Variants in EIF4G1 observed in about 807,000 individuals in gnomAD.
EIF4G1 encodes EIF4-gamma.
Under a neutral mutation model 187.8 loss-of-function variants are expected in EIF4G1, and 4 were observed. The observed-to-expected ratio is 0.02, with a 90% CI of 0.01 to 0.05. The LOEUF (loss-of-function observed/expected upper bound fraction) is 0.05. EIF4G1 is among the 10% of genes least tolerant of loss of function. The pLI, the probability that EIF4G1 is intolerant of heterozygous loss-of-function variation, is 1.00. For synonymous variants in EIF4G1, 844 were observed against 781.4 expected (o/e 1.08, Z -1.34); for missense variants, 1,647 against 2,081.1 (o/e 0.79, Z 4.06).
rs778204962 is a variant in EIF4G1 at position 184,320,586 on chromosome 3, G to A, written c.538-44G>A. ...AAGATTGGGGCAGGGTGGAGAGGTG[G>A]GCTCTTCCTGCTTCCCACTCATCTT... On this transcript the variant is annotated intron_variant, in intron 7 of 32. Coordinates refer to ENST00000346169, the MANE Select transcript of EIF4G1 (RefSeq NM_198241.3). The A allele has an allele frequency of 3.7e-6, 6 of 1,613,734 alleles. No homozygotes were observed. In the East Asian group the frequency reaches 1.1e-4, roughly 30 times the overall value.
intron 28 of EIF4G1, among the ~76,000 whole-genome samples, chr3:184,329,411 T>TC (rs1370779663): frequency 6.6e-6 from 1 of 152,164 alleles, no homozygotes; most frequent in African/African-American, 2.4e-5. Context: ...CGTGGGTGGA[T>TC]CACGAGGTCA....
At chr3:184,331,652 T>TGGGGTGGGGGG (rs1577258330) in intron 30 of EIF4G1, 46 bp downstream of exon 30, 1 of 495,326 alleles carries the variant, frequency 2.0e-6, no homozygotes, top group South Asian at 2.6e-5. Context: ...GTTCTTAGGG[T>TGGGGTGGGGGG]GGGGGTGGGG....
At chr3:184,317,024 C>T (rs1417702747) in intron 4 of EIF4G1, among the ~76,000 whole-genome samples, 1 of 152,086 alleles carries the variant, frequency 6.6e-6, no homozygotes, top group Non-Finnish European at 1.5e-5. Context: ...TGATGCATCT[C>T]GGTGTTAGGA....
chr3:184,318,663 C>T (rs1005010041), intron 6 of EIF4G1, among the ~76,000 whole-genome samples: 7 of 152,164 alleles, frequency 4.6e-5, no homozygotes, highest in South Asian at 4.1e-4. Context: ...GGAATGTAGT[C>T]GCACAGTCTT....
chr3:184,323,121 A>G lies in EIF4G1; in HGVS notation c.1968A>G (p.Arg656=). The G allele has an allele frequency of 8.7e-6, 14 of 1,614,148 alleles. No individual in the cohort carries two copies. The highest frequency in any genetic ancestry group is 1.3e-5 in the African/African-American group (1 of 75,020). ...CACTGCGGCCACTGGATCCCACTAG[A>G]CTACAAGGCATAAATTGTGGCCCAG... The part of the protein sequence containing the change: ...KTPLRPLDPT[R]LQGINCGPDF... Residue 656 remains arginine, a synonymous_variant, in exon 14 of 33, where the codon AGA becomes AGG. Coordinates refer to ENST00000346169, the MANE Select transcript of EIF4G1 (RefSeq NM_198241.3). This position sits in a 1 kb window ranked among gnomAD's most constrained non-coding sequence, Gnocchi z 6.9.
chr3:184,331,231 G>C (rs763658279), intron 28 of EIF4G1, 35 bp from the exon 29 acceptor site: 1 of 1,610,604 alleles, frequency 6.2e-7, no homozygotes, highest in East Asian at 2.2e-5. Flanking sequence ...GAGAGAGAGA[G>C]CTTTGGTAAG....
chr3:184,328,290 C>G, intron 26 of EIF4G1: 3 of 484,474 alleles, frequency 6.2e-6, no homozygotes. Flanking sequence ...TACTCGGAGG[C>G]TGAGGCAGGA....
intron 23 of EIF4G1, 97 bp from the exon 24 acceptor site, chr3:184,327,119 G>A: frequency 6.4e-7 from 1 of 1,573,960 alleles, no homozygotes; most frequent in South Asian, 1.1e-5. Context: ...TACTCATTAT[G>A]CTAAGAACAA....
At chr3:184,327,495 G>C in intron 24 of EIF4G1, 47 bp downstream of exon 24, 3 of 1,611,950 alleles carry the variant, frequency 1.9e-6, no homozygotes, top group Non-Finnish European at 2.5e-6. Flanking sequence ...GGCTGCCTTG[G>C]GACTAGCTGG....
In EIF4G1 at chr3:184,334,981, GGGCGGCAGCAGC is replaced by G; in HGVS notation, c.*79_*90del. The G allele has an allele frequency of 3.1e-6, 5 of 1,594,142 alleles. No individual in the cohort carries two copies. The South Asian group carries it at 4.4e-5, about 14-fold the overall frequency. On this transcript the variant is annotated 3_prime_UTR_variant, in exon 33 of 33. Coordinates refer to ENST00000346169, the MANE Select transcript of EIF4G1 (RefSeq NM_198241.3). The surrounding 1 kb of genome is among the most constrained non-coding windows in gnomAD (Gnocchi z 5.8). ...CCGGCTAGCCGCCTGGACTGCAGGGGGGCGGCAGCAGCGGCGGTGGCAGTGGGTGCCTGTAGT... is the reference window on the plus strand; with the variant it reads ...CCGGCTAGCCGCCTGGACTGCAGGGGGGCGGTGGCAGTGGGTGCCTGTAGT...
At position 184,334,732 on chromosome 3, in the gene EIF4G1, C is replaced by T. The variant is rs1428503287; in HGVS notation, c.4624C>T (p.Leu1542=). 1 of 1,614,172 alleles carries T rather than the reference C, an allele frequency of 6.2e-7. No homozygotes were observed. Among genetic ancestry groups the T allele is most frequent in the South Asian group, 1.1e-5 (1 of 91,090 alleles). Reference sequence around the variant, plus strand: ...GCTGTCCCGCCTGCTTGCAGACCTGCTGCGGATGTTCTTTGACGCACTGTA... The same window carrying T: ...GCTGTCCCGCCTGCTTGCAGACCTGTTGCGGATGTTCTTTGACGCACTGTA... ...VVTLEQPPNL[L]RMFFDALYDE... Residue 1542 remains leucine, a synonymous_variant, in exon 33 of 33, where the codon CTG becomes TTG. Transcript: ENST00000346169. The surrounding 1 kb of genome is among the most constrained non-coding windows in gnomAD (Gnocchi z 5.8).
rs1722653166 is a variant in EIF4G1, at chr3:184,315,744, C to G, written c.-34-19C>G. 1.3e-6 allele frequency: 2 copies of G among 1,536,926 alleles called. No homozygotes were observed. Among genetic ancestry groups the G allele is most frequent in the African/African-American group, 1.4e-5 (1 of 72,738 alleles). Reference sequence around the variant, plus strand: ...GCTTGGGTCCCTTCCTCTTCCTGAGCGCCACTCTTTCCCAACAGGTGCTGG... The same window carrying G: ...GCTTGGGTCCCTTCCTCTTCCTGAGGGCCACTCTTTCCCAACAGGTGCTGG... On this transcript the variant is annotated intron_variant, in intron 2 of 32. Coordinates refer to ENST00000346169, the MANE Select transcript of EIF4G1 (RefSeq NM_198241.3).
In EIF4G1 at chr3:184,327,718, G is replaced by C. The variant is rs758504142; in HGVS notation, c.3780+14G>C. On this transcript the variant is annotated intron_variant, in intron 25 of 32. Coordinates refer to ENST00000346169, the MANE Select transcript of EIF4G1 (RefSeq NM_198241.3). Reference sequence around the variant, plus strand: ...AATGACATGAAAGTAGGCAGTGGGAGCGGCGTGTGATTGAGGAGTGGGCAG... The same window carrying C: ...AATGACATGAAAGTAGGCAGTGGGACCGGCGTGTGATTGAGGAGTGGGCAG... 3 of 1,613,876 alleles carry C rather than the reference G, an allele frequency of 1.9e-6. No homozygotes were observed. Among genetic ancestry groups the C allele is most frequent in the Non-Finnish European group, 2.5e-6 (3 of 1,179,748 alleles).
chr3:184,320,330 G>A, intron 7 of EIF4G1: 1 of 1,320,002 alleles, frequency 7.6e-7, no homozygotes, highest in East Asian at 3.5e-5. Context: ...GGGGGTCCTG[G>A]GCCCCAGGGT....
At chr3:184,317,228 C>T in intron 4 of EIF4G1, 93 bp from the exon 5 acceptor site, 1 of 1,449,366 alleles carries the variant, frequency 6.9e-7, no homozygotes, top group Non-Finnish European at 9.7e-7. Context: ...GCCCACAGTA[C>T]TTCTTTCCAG....
intron 7 of EIF4G1, 43 bp from the exon 8 acceptor site, chr3:184,320,587 G>C (rs770409753): frequency 9.3e-6 from 15 of 1,613,794 alleles, no homozygotes; most frequent in South Asian, 5.5e-5. Flanking sequence ...GGAGAGGTGG[G>C]CTCTTCCTGC....
intron 28 of EIF4G1, 139 bp downstream of exon 28, chr3:184,329,129 T>TA: frequency 9.7e-7 from 1 of 1,025,748 alleles, no homozygotes; most frequent in East Asian, 2.6e-5. Flanking sequence ...GGAGAGGAAA[T>TA]ACTGAGGTGG....
chr3:184,323,305 G>T lies in EIF4G1; in HGVS notation c.2088+64G>T. On this transcript the variant is annotated intron_variant, in intron 14 of 32. Coordinates refer to ENST00000346169, the MANE Select transcript of EIF4G1 (RefSeq NM_198241.3). The surrounding 1 kb of genome is among the most constrained non-coding windows in gnomAD (Gnocchi z 6.9). Reference sequence around the variant, plus strand: ...TGGGAGTGGATGATTCCGTGTCTCAGTGCCCGCGGGGAGGGGTTTGCCCTG... The same window carrying T: ...TGGGAGTGGATGATTCCGTGTCTCATTGCCCGCGGGGAGGGGTTTGCCCTG... The T allele has an allele frequency of 1.2e-6, 2 of 1,612,126 alleles. No individual in the cohort carries two copies. Among genetic ancestry groups the T allele is most frequent in the Non-Finnish European group, 8.5e-7 (1 of 1,178,516 alleles).
chr3:184,324,171 C>CT (rs776892605), intron 16 of EIF4G1, 30 bp from the exon 17 acceptor site: 29 of 1,614,068 alleles, frequency 1.8e-5, no homozygotes, highest in Non-Finnish European at 2.4e-5. Context: ...CAGGACTAGT[C>CT]TTGAGTGTGA....
Sources: gnomAD v4.1 joint callset for allele counts (sites outside exome capture counted in the v4.1 genomes callset) on GRCh38, gnomAD v4.1.1 for gene constraint, Gnocchi (gnomAD v3.1) non-coding constraint, MANE v1.5 for transcripts, NCBI Gene and HGNC (gene_info 2026-07-23, HGNC 2026-07-21) for gene names.